Variants in CBL observed in about 807,000 individuals in gnomAD.
CBL encodes Cbl proto-oncogene, also known as E3 ubiquitin-protein ligase CBL.
In CBL, 45 loss-of-function variants were observed where a neutral mutation model predicts 96.9. That is an observed-to-expected ratio of 0.46 (90% CI 0.37 to 0.60). CBL has a LOEUF of 0.60. Among genes scored for constraint, CBL ranks in the 20% least tolerant of loss-of-function variants. The pLI, the probability that CBL is intolerant of heterozygous loss-of-function variation, is 0.00. For synonymous variants in CBL, 420 were observed against 426.8 expected, an observed-to-expected ratio of 0.98 and a Z score of 0.20; for missense variants, 1,024 against 1,143.5, an observed-to-expected ratio of 0.90 and a Z score of 1.51.
At chr11:119,253,010 G>A (rs894283246) in intron 2 of CBL, among the ~76,000 whole-genome samples, 2 of 151,998 alleles carry the variant, frequency 1.3e-5, no homozygotes, top group Non-Finnish European at 2.9e-5. Context: ...CATTTTACCA[G>A]TTGGCACACT....
At chr11:119,227,449 A>T (rs1949467305) in intron 1 of CBL, among the ~76,000 whole-genome samples, 1 of 151,474 alleles carries the variant, frequency 6.6e-6, no homozygotes. Flanking sequence ...TCTAATTTCA[A>T]CTCTTAGCCT....
intron 1 of CBL, among the ~76,000 whole-genome samples, chr11:119,230,984 T>C (rs1949497673): frequency 6.6e-6 from 1 of 152,186 alleles, no homozygotes; most frequent in African/African-American, 2.4e-5. Flanking sequence ...CTCAGAAAAG[T>C]TGAAAGTGAA....
chr11:119,242,706 T>C (rs560254542), intron 2 of CBL, among the ~76,000 whole-genome samples: 4 of 142,108 alleles, frequency 2.8e-5, no homozygotes, highest in African/African-American at 1.1e-4. Flanking sequence ...GCCGCTGCAC[T>C]ATAGCCTTGG....
intron 1 of CBL, among the ~76,000 whole-genome samples, chr11:119,223,604 T>A (rs1011245273): frequency 3.3e-5 from 5 of 149,444 alleles, no homozygotes; most frequent in East Asian, 3.9e-4. Flanking sequence ...TAAATTTTTT[T>A]TTATTATTAT....
chr11:119,269,102 C>G (rs1324310026), intron 2 of CBL, among the ~76,000 whole-genome samples: 2 of 152,140 alleles, frequency 1.3e-5, no homozygotes, highest in Admixed American at 6.5e-5. Context: ...TTCACGTTAC[C>G]TATTTCATAT....
rs1893177 is a variant in CBL at position 119,299,652 on chromosome 11, C to T, written c.2592C>T (p.Leu864=). The change falls in exon 16 of 16, where the codon CTC becomes CTT. Residue 864 remains leucine, a synonymous_variant. Transcript: ENST00000264033. ...SPQLSSEIEN[L]MSQGYSYQDI... is the part of the protein sequence containing the mutation. ...AGCTCTCCAGTGAGATCGAGAACCT[C>T]ATGAGTCAGGGGTACTCCTACCAGG... 9,579 of 1,614,182 alleles carry T rather than the reference C, an allele frequency of 5.9e-3. 529 individuals carry two copies. In the African/African-American group the frequency reaches 0.11, roughly 19 times the overall value.
chr11:119,277,403 A>C (rs1592400411), intron 6 of CBL, among the ~76,000 whole-genome samples: 1 of 152,164 alleles, frequency 6.6e-6, no homozygotes, highest in East Asian at 1.9e-4. Flanking sequence ...AAAAACAATC[A>C]GAGAAGAATA....
chr11:119,270,416 T>A (rs1010798730), intron 2 of CBL, among the ~76,000 whole-genome samples: 44 of 74,342 alleles, frequency 5.9e-4, no homozygotes, highest in East Asian at 3.2e-3. Flanking sequence ...CAGCTAATTT[T>A]TATATATATA....
At chr11:119,266,110 C>A (rs1200356206) in intron 2 of CBL, among the ~76,000 whole-genome samples, 2 of 151,350 alleles carry the variant, frequency 1.3e-5, no homozygotes, top group African/African-American at 4.9e-5. Flanking sequence ...GTGAGAGGAT[C>A]GCTTGAGTCT....
chr11:119,290,779 G>A (rs191418455), intron 12 of CBL, among the ~76,000 whole-genome samples: 12 of 151,452 alleles, frequency 7.9e-5, no homozygotes, highest in Admixed American at 5.9e-4. Context: ...GGGTTCAAGC[G>A]AATCTCCTGA....
At chr11:119,235,175 G>A (rs1949534273) in intron 2 of CBL, among the ~76,000 whole-genome samples, 1 of 151,982 alleles carries the variant, frequency 6.6e-6, no homozygotes, top group Admixed American at 6.6e-5. Context: ...GTGCAAAGGA[G>A]TGATATTGGC....
chr11:119,306,523 C>T lies in CBL; in HGVS notation c.*6742C>T. On this transcript the variant is annotated 3_prime_UTR_variant, in exon 16 of 16. Coordinates refer to ENST00000264033, the MANE Select transcript of CBL (RefSeq NM_005188.4). ...GGCCTTGTGCCACCTCCATGCTGAG[C>T]CCTGAAGCAGGGTGTCCTGGGTGCC... The T allele has an allele frequency of 2.5e-6, 1 of 396,812 alleles. No individual in the cohort carries two copies. 24.6% of individuals were successfully genotyped at this position (396,812 alleles called of 1,614,324 possible).
At chr11:119,214,761 T>C (rs1413122069) in intron 1 of CBL, among the ~76,000 whole-genome samples, 1 of 152,150 alleles carries the variant, frequency 6.6e-6, no homozygotes, top group African/African-American at 2.4e-5. Context: ...ATAGTTTAGA[T>C]TGTAGTTCAC....
rs1555225681 is a variant in CBL at position 119,216,380 on chromosome 11, A to ATTTAT, written c.195+9772_195+9776dup. 2.3e-5 allele frequency among the ~76,000 whole-genome samples: 3 copies of ATTTAT among 132,124 alleles called. No individual in the cohort carries two copies. The East Asian group carries it at 7.1e-4, about 31-fold the overall frequency. The allele number at this position is 132,124 out of a possible 152,430, so 86.7% of individuals were successfully genotyped here. A position where few individuals can be genotyped will look rare whatever the true frequency, so the allele number is the denominator to read the frequency against. On this transcript the variant is annotated intron_variant, in intron 1 of 15. Coordinates refer to ENST00000264033, the MANE Select transcript of CBL (RefSeq NM_005188.4). The stretch of plus-strand genomic sequence containing the variant: ...TATTTATTTATTTATTTATTTATTT[A>ATTTAT]TTTATTTTTTGAGATGGAGTCTTGC...
intron 13 of CBL, 114 bp from the exon 14 acceptor site, chr11:119,297,270 G>A (rs189356088): frequency 1.1e-6 from 1 of 903,494 alleles, no homozygotes; most frequent in Non-Finnish European, 1.8e-6. Flanking sequence ...TGCCACAAGA[G>A]TCAACTTTAA....
At chr11:119,236,553 G>A (rs2135268997) in intron 2 of CBL, among the ~76,000 whole-genome samples, 1 of 148,840 alleles carries the variant, frequency 6.7e-6, no homozygotes, top group South Asian at 2.1e-4. Context: ...TATGGCTATA[G>A]CCATATAAAC....
At chr11:119,299,237 A>G (rs957852622) in intron 15 of CBL, among the ~76,000 whole-genome samples, 4 of 152,244 alleles carry the variant, frequency 2.6e-5, no homozygotes, top group African/African-American at 4.8e-5. Flanking sequence ...AGTGTAAAGC[A>G]TGATGCAGAT....
In CBL at chr11:119,299,724, C is replaced by A; in HGVS notation, c.2664C>A (p.Ala888=). ...LVIAQNNIEM[A]KNILREFVSI... is the part of the protein sequence containing the mutation. ...TTGCCCAGAACAACATCGAGATGGC[C>A]AAAAACATCCTCCGGGAATTTGTTT... The change falls in exon 16 of 16, where the codon GCC becomes GCA. Residue 888 remains alanine (A), a synonymous_variant. Coordinates refer to ENST00000264033, the MANE Select transcript of CBL (RefSeq NM_005188.4). 3.1e-6 allele frequency: 5 copies of A among 1,614,178 alleles called. No individual in the cohort carries two copies. Among genetic ancestry groups the A allele is most frequent in the Non-Finnish European group, 4.2e-6 (5 of 1,180,040 alleles).
intron 2 of CBL, among the ~76,000 whole-genome samples, chr11:119,257,921 G>C (rs1029138959): frequency 6.6e-6 from 1 of 152,060 alleles, no homozygotes; most frequent in East Asian, 1.9e-4. Context: ...GTCCATTCTT[G>C]TACTGCCATA....
Sources: allele counts gnomAD v4.1 joint callset (sites outside exome capture counted in the v4.1 genomes callset), GRCh38; gene constraint gnomAD v4.1.1; transcripts MANE v1.5; gene names NCBI Gene and HGNC (gene_info 2026-07-23, HGNC 2026-07-21).